HIPK2: variants seen among roughly 807,000 people sequenced by gnomAD.
HIPK2 encodes the protein homeodomain interacting protein kinase 2.
A neutral mutation model predicts 113.7 loss-of-function variants in HIPK2; 27 were observed. The observed-to-expected ratio is 0.24, with a 90% CI of 0.17 to 0.33. HIPK2 has a LOEUF of 0.33. HIPK2 is among the 10% of genes least tolerant of loss of function. HIPK2 has a pLI of 1.00. For synonymous variants in HIPK2, 631 were observed against 642.2 expected, an observed-to-expected ratio of 0.98 and a Z score of 0.26; for missense variants, 1,257 against 1,588.0, an observed-to-expected ratio of 0.79 and a Z score of 3.54.
At chr7:139,624,403 C>T (rs1017864664) in intron 6 of HIPK2, among the ~76,000 whole-genome samples, 3 of 152,148 alleles carry the variant, frequency 2.0e-5, no homozygotes, top group East Asian at 1.9e-4. Context: ...TTCCCTGCCT[C>T]GCTAGGAAGG....
chr7:139,647,510 T>C (rs374648228), intron 2 of HIPK2, among the ~76,000 whole-genome samples: 1 of 152,248 alleles, frequency 6.6e-6, no homozygotes, highest in African/African-American at 2.4e-5. Context: ...ATTTCAATGG[T>C]GAAATGTGAA....
At chr7:139,747,591 T>G (rs1796210730) in intron 1 of HIPK2, among the ~76,000 whole-genome samples, 1 of 152,222 alleles carries the variant, frequency 6.6e-6, no homozygotes, top group African/African-American at 2.4e-5. Context: ...ATCTCTTTAG[T>G]AAAGCATCCA....
At chr7:139,603,023 T>G (rs1041781800) in intron 10 of HIPK2, among the ~76,000 whole-genome samples, 6 of 151,892 alleles carry the variant, frequency 4.0e-5, no homozygotes, top group Non-Finnish European at 7.4e-5. Flanking sequence ...AGAAGGGAAG[T>G]GAGTGGGACT....
At chr7:139,653,131 C>G (rs1159308643) in intron 2 of HIPK2, among the ~76,000 whole-genome samples, 1 of 95,174 alleles carries the variant, frequency 1.1e-5, no homozygotes, top group African/African-American at 4.8e-5. Context: ...CAGAGCAAGA[C>G]TCTGTCTCAA....
chr7:139,624,456 G>C (rs116790351), intron 6 of HIPK2, among the ~76,000 whole-genome samples: 3 of 152,072 alleles, frequency 2.0e-5, no homozygotes, highest in Admixed American at 1.3e-4. Context: ...CTGGCTTCCC[G>C]CTTACTTCTC....
At chr7:139,602,880 A>T (rs1799485407) in intron 10 of HIPK2, among the ~76,000 whole-genome samples, 1 of 152,198 alleles carries the variant, frequency 6.6e-6, no homozygotes, top group African/African-American at 2.4e-5. Flanking sequence ...ACTTTATTGA[A>T]GAAGAAACTG....
At chr7:139,597,485 C>T (rs1259440071) in intron 11 of HIPK2, among the ~76,000 whole-genome samples, 1 of 152,206 alleles carries the variant, frequency 6.6e-6, no homozygotes, top group East Asian at 1.9e-4. Flanking sequence ...GGTTATTCTA[C>T]TGAAACATTC....
chr7:139,726,218 G>C (rs145240342), intron 1 of HIPK2, among the ~76,000 whole-genome samples: 1 of 152,238 alleles, frequency 6.6e-6, no homozygotes, highest in Non-Finnish European at 1.5e-5. Flanking sequence ...AAGTGGCCTT[G>C]AGTAAGAAGA....
intron 1 of HIPK2, among the ~76,000 whole-genome samples, chr7:139,724,603 C>T (rs932089294): frequency 5.9e-5 from 9 of 151,724 alleles, no homozygotes; most frequent in African/African-American, 2.2e-4. Flanking sequence ...CATATGTATA[C>T]ATGTGCCATG....
intron 9 of HIPK2, among the ~76,000 whole-genome samples, chr7:139,607,049 A>G (rs957711276): frequency 2.0e-5 from 3 of 152,242 alleles, no homozygotes; most frequent in African/African-American, 7.2e-5. Flanking sequence ...CAATATCTAT[A>G]TTCAGAGAAC....
intron 9 of HIPK2, among the ~76,000 whole-genome samples, chr7:139,610,473 T>C (rs779911833): frequency 9.2e-5 from 14 of 152,130 alleles, no homozygotes; most frequent in Non-Finnish European, 1.9e-4. Context: ...TACTGAACTA[T>C]GCAAATAAAA....
At chr7:139,702,157 GGA>G (rs1162695461) in intron 2 of HIPK2, among the ~76,000 whole-genome samples, 2 of 152,190 alleles carry the variant, frequency 1.3e-5, no homozygotes, top group Non-Finnish European at 2.9e-5. Context: ...GACAGCGGCG[GGA>G]GAGGCTGGGC....
Position 139,769,322 on chromosome 7 carries a change from C to T in HIPK2, c.19+8283G>A, listed in dbSNP as rs189234944. ...ATCTCCACGGCCGCAGTGCCTTCCA[C>T]CGCACCACAAGGCCTACCAGCATGG... On this transcript the variant is annotated intron_variant, in intron 1 of 14. Transcript: ENST00000406875. 2.4e-3 allele frequency among the ~76,000 whole-genome samples: 368 copies of T among 152,314 alleles called. 2 individuals carry two copies. Among genetic ancestry groups the T allele is most frequent in the African/African-American group, 6.1e-3 (254 of 41,552 alleles).
At chr7:139,618,389 C>T (rs1292861185) in intron 7 of HIPK2, among the ~76,000 whole-genome samples, 1 of 151,980 alleles carries the variant, frequency 6.6e-6, no homozygotes, top group Non-Finnish European at 1.5e-5. Context: ...TGCAAGAGAA[C>T]AGAAATCCTG....
chr7:139,707,678 C>T (rs543376887), intron 2 of HIPK2, among the ~76,000 whole-genome samples: 4 of 152,238 alleles, frequency 2.6e-5, no homozygotes, highest in African/African-American at 4.8e-5. Context: ...CTCCTACTCA[C>T]GTCCTGAAAC....
Position 139,577,140 on chromosome 7 carries a change from CTTTTTTTTTTTTTT to C in HIPK2, c.2966-1866_2966-1853del, listed in dbSNP as rs966966045. On this transcript the variant is annotated intron_variant, in intron 13 of 14. Transcript: ENST00000406875. Reference sequence around the variant, plus strand: ...GACTAGTGAGAAGATACTGGGCTTCCTTTTTTTTTTTTTTTTTTTTTTTTTGAGATGGAGTTTCA... The same window carrying C: ...GACTAGTGAGAAGATACTGGGCTTCCTTTTTTTTTTTGAGATGGAGTTTCA... 5.0e-4 allele frequency among the ~76,000 whole-genome samples: 46 copies of C among 91,462 alleles called. No individual in the cohort carries two copies. The South Asian group carries it at 0.018, about 36-fold the overall frequency. 60.0% of individuals were successfully genotyped at this position (91,462 alleles called of 152,430 possible). A position where few individuals can be genotyped will look rare whatever the true frequency, so the allele number is the denominator to read the frequency against.
intron 9 of HIPK2, 112 bp from the exon 10 acceptor site, chr7:139,604,335 G>T (rs1799543326): frequency 7.0e-7 from 1 of 1,437,174 alleles, no homozygotes; most frequent in Non-Finnish European, 9.4e-7. Context: ...TCATGGGTGT[G>T]AGAGTGAGGG....
chr7:139,727,928 T>C (rs1177369216), intron 1 of HIPK2, among the ~76,000 whole-genome samples: 7 of 143,248 alleles, frequency 4.9e-5, no homozygotes, highest in Non-Finnish European at 9.0e-5. Context: ...AAGAGTGGCA[T>C]TGGCTAATTT....
intron 2 of HIPK2, among the ~76,000 whole-genome samples, chr7:139,715,403 G>A (rs1404976592): frequency 2.0e-5 from 3 of 152,230 alleles, no homozygotes; most frequent in South Asian, 4.1e-4. Context: ...CTTTCAACCC[G>A]TTACCTTATG....
Sources: allele counts gnomAD v4.1 joint callset (sites outside exome capture counted in the v4.1 genomes callset), GRCh38; gene constraint gnomAD v4.1.1; transcripts MANE v1.5; gene names NCBI Gene and HGNC (gene_info 2026-07-23, HGNC 2026-07-21).